BAZ2B: variants seen among roughly 807,000 people sequenced by gnomAD.
BAZ2B encodes the protein bromodomain adjacent to zinc finger domain 2B, also known as bromodomain adjacent to zinc finger domain protein 2B.
In BAZ2B, 91 loss-of-function variants were observed where a neutral mutation model predicts 246.0. The ratio of observed to expected loss-of-function variants is 0.37; its 90% confidence interval spans 0.31 to 0.44. The LOEUF is 0.44. BAZ2B is among the 20% of genes least tolerant of loss of function. The pLI, the probability that BAZ2B is intolerant of heterozygous loss-of-function variation, is 1.00. For missense variants in BAZ2B, 2,332 were observed against 2,533.7 expected (o/e 0.92, Z 1.71); for synonymous variants, 855 against 860.0 (o/e 0.99, Z 0.10).
chr2:159,653,573 A>C, the BAZ2B span, among the ~76,000 whole-genome samples: 6 of 152,220 alleles, frequency 3.9e-5, no homozygotes, highest in Non-Finnish European at 8.8e-5. Flanking sequence ...AATCAAAACA[A>C]CTTGAAATTG....
chr2:159,672,315 C>A, the BAZ2B span, among the ~76,000 whole-genome samples: 1 of 152,108 alleles, frequency 6.6e-6, no homozygotes, highest in Non-Finnish European at 1.5e-5. Flanking sequence ...CTGATTTATA[C>A]CAGTCAATCA....
chr2:159,491,944 A>ACT (rs1473070508), intron 2 of BAZ2B, among the ~76,000 whole-genome samples: 1 of 152,062 alleles, frequency 6.6e-6, no homozygotes, highest in Non-Finnish European at 1.5e-5. Flanking sequence ...TCTGACCTGA[A>ACT]CTGTCATCTA....
intron 14 of BAZ2B, among the ~76,000 whole-genome samples, chr2:159,410,064 C>A (rs2066579535): frequency 6.6e-6 from 1 of 152,136 alleles, no homozygotes; most frequent in Non-Finnish European, 1.5e-5. Flanking sequence ...TTAGATACGG[C>A]AAATATCCAT....
chr2:159,699,336 A>C, the BAZ2B span, among the ~76,000 whole-genome samples: 1 of 152,238 alleles, frequency 6.6e-6, no homozygotes, highest in South Asian at 2.1e-4. Flanking sequence ...TTAGGCCAGG[A>C]GTTTGAGACA....
At chr2:159,626,001 CAAA>C in the BAZ2B span, among the ~76,000 whole-genome samples, 1 of 139,298 alleles carries the variant, frequency 7.2e-6, no homozygotes, top group African/African-American at 2.6e-5. Context: ...AAATGGAAAG[CAAA>C]AAAAAAAAAG....
intron 1 of BAZ2B, among the ~76,000 whole-genome samples, chr2:159,590,565 C>G (rs1373569449): frequency 6.6e-6 from 1 of 151,400 alleles, no homozygotes; most frequent in East Asian, 1.9e-4. Flanking sequence ...TCACTCCAGC[C>G]TAGGAGAAAG....
At chr2:159,584,948 G>A (rs1054834692) in intron 1 of BAZ2B, among the ~76,000 whole-genome samples, 4 of 152,088 alleles carry the variant, frequency 2.6e-5, no homozygotes, top group African/African-American at 4.8e-5. Context: ...CTCCCCCTTT[G>A]CCTGCTGTCA....
At chr2:159,581,618 C>T (rs1330857481) in intron 1 of BAZ2B, among the ~76,000 whole-genome samples, 2 of 152,052 alleles carry the variant, frequency 1.3e-5, no homozygotes, top group Non-Finnish European at 2.9e-5. Flanking sequence ...AAGACACATG[C>T]ACATGTATGT....
intron 27 of BAZ2B, 150 bp from the exon 28 acceptor site, chr2:159,350,507 A>T (rs1222519580): frequency 3.5e-6 from 2 of 566,920 alleles, no homozygotes; most frequent in Admixed American, 7.6e-5. Context: ...TTTTTTATAG[A>T]TTATAGCTTT....
chr2:159,399,300 T>C (rs1271272559), intron 17 of BAZ2B, among the ~76,000 whole-genome samples: 1 of 152,130 alleles, frequency 6.6e-6, no homozygotes, highest in Non-Finnish European at 1.5e-5. Context: ...TTTTAATTAA[T>C]AAATAAAAAT....
intron 27 of BAZ2B, among the ~76,000 whole-genome samples, chr2:159,365,463 T>G (rs2060126194): frequency 6.6e-6 from 1 of 152,196 alleles, no homozygotes; most frequent in African/African-American, 2.4e-5. Flanking sequence ...TCAATAGTTA[T>G]TTCCTTTTGT....
chr2:159,547,575 C>T (rs1482314955), intron 2 of BAZ2B, among the ~76,000 whole-genome samples: 1 of 152,126 alleles, frequency 6.6e-6, no homozygotes, highest in Non-Finnish European at 1.5e-5. Context: ...CAGAAGTGTG[C>T]ATTGGTGTTC....
At chr2:159,406,909 C>T (rs923270007) in intron 14 of BAZ2B, among the ~76,000 whole-genome samples, 1 of 151,926 alleles carries the variant, frequency 6.6e-6, no homozygotes, top group African/African-American at 2.4e-5. Flanking sequence ...CGCCCGCCAC[C>T]ACGCCCAGCT....
intron 2 of BAZ2B, among the ~76,000 whole-genome samples, chr2:159,486,781 T>C (rs1193261735): frequency 6.6e-6 from 1 of 151,980 alleles, no homozygotes; most frequent in Non-Finnish European, 1.5e-5. Context: ...AAAAACACAT[T>C]TCCATCAATA....
intron 1 of BAZ2B, among the ~76,000 whole-genome samples, chr2:159,589,709 T>G (rs1688850326): frequency 6.6e-6 from 1 of 152,196 alleles, no homozygotes; most frequent in African/African-American, 2.4e-5. Flanking sequence ...CATAAAATAC[T>G]AGGATATTAG....
chr2:159,691,063 T>C, the BAZ2B span, among the ~76,000 whole-genome samples: 1 of 152,202 alleles, frequency 6.6e-6, no homozygotes, highest in Non-Finnish European at 1.5e-5. Context: ...TGTGTATATA[T>C]ATTTATCATG....
At chr2:159,450,817 G>T (rs1397758416) in intron 4 of BAZ2B, among the ~76,000 whole-genome samples, 1 of 150,326 alleles carries the variant, frequency 6.7e-6, no homozygotes, top group African/African-American at 2.5e-5. Flanking sequence ...GGGGCTCACT[G>T]CAACCTCCAT....
intron 1 of BAZ2B, 30 bp downstream of exon 1, chr2:159,616,212 A>C (rs972648534): frequency 6.6e-6 from 1 of 151,958 alleles, no homozygotes; most frequent in African/African-American, 2.4e-5. Flanking sequence ...CCTCACCCGC[A>C]CCCCTCACGC....
At chr2:159,444,787 T>G (rs2073990771) in intron 6 of BAZ2B, 1 of 152,610 alleles carries the variant, frequency 6.6e-6, no homozygotes, top group African/African-American at 2.4e-5. Flanking sequence ...ATCATGTGTG[T>G]AGGATCACAA....
Sources: gnomAD v4.1 joint callset for allele counts (sites outside exome capture counted in the v4.1 genomes callset) on GRCh38, gnomAD v4.1.1 for gene constraint, MANE v1.5 for transcripts, NCBI Gene and HGNC (gene_info 2026-07-23, HGNC 2026-07-21) for gene names.